Variants in MCTP1 observed in about 807,000 individuals in gnomAD.
MCTP1 encodes the protein multiple C2 and transmembrane domain-containing protein 1.
Under a neutral mutation model 120.6 loss-of-function variants are expected in MCTP1, and 69 were observed. The observed-to-expected ratio is 0.57, with a 90% CI of 0.47 to 0.70. The LOEUF is 0.70. Among genes scored for constraint, MCTP1 ranks in the 30% least tolerant of loss-of-function variants. The pLI is 0.00. For synonymous variants in MCTP1, 529 were observed against 493.1 expected (o/e 1.07, Z -0.96); for missense variants, 1,203 against 1,248.8 (o/e 0.96, Z 0.55).
chr5:95,204,311 A>G (rs1445669093), intron 1 of MCTP1, among the ~76,000 whole-genome samples: 1 of 152,180 alleles, frequency 6.6e-6, no homozygotes, highest in Non-Finnish European at 1.5e-5. Context: ...GACAAAGGGC[A>G]TTCTAGGCAG....
chr5:95,094,217 C>T (rs138363153), intron 1 of MCTP1, among the ~76,000 whole-genome samples: 132 of 152,296 alleles, frequency 8.7e-4, no homozygotes, highest in African/African-American at 3.1e-3. Flanking sequence ...CTTTCCTTTC[C>T]TACTGTCTTC....
In MCTP1 at chr5:95,243,487, G is replaced by C. The variant is rs1304978886; in HGVS notation, c.720+40369C>G. On this transcript the variant is annotated intron_variant, in intron 1 of 22. Coordinates refer to ENST00000515393, the MANE Select transcript of MCTP1 (RefSeq NM_024717.7). Reference sequence around the variant, plus strand: ...ATAGAGTCTGAGGAAGTAGTGTTGAGAAATAAGATAGGTAGGAGCCAGACC... The same window carrying C: ...ATAGAGTCTGAGGAAGTAGTGTTGACAAATAAGATAGGTAGGAGCCAGACC... Among the ~76,000 whole-genome samples the C allele has an allele frequency of 3.9e-5, 6 of 152,316 alleles. No individual in the cohort carries two copies. In the East Asian group the frequency reaches 7.7e-4, roughly 20 times the overall value.
At chr5:95,179,833 C>G (rs1163175700) in intron 1 of MCTP1, among the ~76,000 whole-genome samples, 1 of 152,120 alleles carries the variant, frequency 6.6e-6, no homozygotes, top group African/African-American at 2.4e-5. Context: ...GCTCACATCT[C>G]AATACAAATA....
intron 19 of MCTP1, among the ~76,000 whole-genome samples, chr5:94,762,044 C>T (rs548704950): frequency 3.3e-4 from 51 of 152,254 alleles, no homozygotes; most frequent in African/African-American, 1.0e-3. Flanking sequence ...TAGAACCATA[C>T]GAGAGATTCA....
intron 1 of MCTP1, among the ~76,000 whole-genome samples, chr5:95,194,718 C>T (rs749302428): frequency 6.6e-6 from 1 of 152,074 alleles, no homozygotes; most frequent in Non-Finnish European, 1.5e-5. Context: ...GTGTCTAGAC[C>T]TGAACGTTAC....
At chr5:94,954,633 C>T (rs7703557) in intron 2 of MCTP1, among the ~76,000 whole-genome samples, 56,655 of 151,946 alleles carry the variant, frequency 0.37, 10,763 homozygotes, top group Middle Eastern at 0.43. Context: ...ATCTGATCTT[C>T]CTCTTGATAT....
intron 19 of MCTP1, among the ~76,000 whole-genome samples, chr5:94,742,834 T>TA (rs1765830454): frequency 6.6e-6 from 1 of 152,302 alleles, no homozygotes; most frequent in Non-Finnish European, 1.5e-5. Flanking sequence ...ATTGTGTACC[T>TA]ACTTCAGGCA....
intron 17 of MCTP1, among the ~76,000 whole-genome samples, chr5:94,821,874 C>G (rs539131151): frequency 6.6e-6 from 1 of 152,296 alleles, no homozygotes; most frequent in African/African-American, 2.4e-5. Flanking sequence ...TGAACCCTTG[C>G]AGTTCAAACT....
At chr5:95,072,917 T>G (rs575935008) in intron 1 of MCTP1, among the ~76,000 whole-genome samples, 2 of 152,098 alleles carry the variant, frequency 1.3e-5, no homozygotes, top group African/African-American at 4.8e-5. Flanking sequence ...GGCTAATTTT[T>G]TGTATTTTTA....
chr5:95,161,479 G>C (rs2152476063), intron 1 of MCTP1, among the ~76,000 whole-genome samples: 1 of 152,118 alleles, frequency 6.6e-6, no homozygotes, highest in East Asian at 1.9e-4. Context: ...TTGATCAAAG[G>C]GTGCAAAGTT....
chr5:94,948,334 C>T (rs1819620261), intron 3 of MCTP1, among the ~76,000 whole-genome samples: 1 of 152,080 alleles, frequency 6.6e-6, no homozygotes, highest in African/African-American at 2.4e-5. Context: ...TGGTAGTAAC[C>T]ATTACTATGA....
intron 19 of MCTP1, among the ~76,000 whole-genome samples, chr5:94,722,557 C>G (rs1761155459): frequency 6.6e-6 from 1 of 152,118 alleles, no homozygotes; most frequent in African/African-American, 2.4e-5. Context: ...AAATCTTATG[C>G]TACGATAATG....
chr5:95,107,127 A>C (rs1202028676), intron 1 of MCTP1, among the ~76,000 whole-genome samples: 1 of 152,244 alleles, frequency 6.6e-6, no homozygotes, highest in African/African-American at 2.4e-5. Flanking sequence ...AGACAGCATG[A>C]AACTTGGGTA....
At chr5:95,238,961 TAC>T (rs1218283284) in intron 1 of MCTP1, among the ~76,000 whole-genome samples, 1 of 152,172 alleles carries the variant, frequency 6.6e-6, no homozygotes, top group African/African-American at 2.4e-5. Flanking sequence ...GATTTCAGTA[TAC>T]ATGTAGCTAT....
chr5:94,834,812 CTTTTTTTTTT>C (rs141103769), intron 17 of MCTP1, among the ~76,000 whole-genome samples: 1 of 88,630 alleles, frequency 1.1e-5, no homozygotes, highest in Non-Finnish European at 2.3e-5. Context: ...AACATTCTCT[CTTTTTTTTTT>C]TTTTTTTTTT....
intron 6 of MCTP1, among the ~76,000 whole-genome samples, chr5:94,930,523 C>T (rs1391827600): frequency 1.3e-5 from 2 of 151,988 alleles, no homozygotes; most frequent in Non-Finnish European, 2.9e-5. Flanking sequence ...ATCCACCCAC[C>T]TCGACCTCCC....
Position 94,773,794 on chromosome 5 carries a change from C to G in MCTP1, c.2610+5316G>C, listed in dbSNP as rs138149205. On this transcript the variant is annotated intron_variant, in intron 19 of 22. Transcript: ENST00000515393. ...TGAGACTTATTCACTATCATGAGAA[C>G]AGCACAGGAAAGATCCACTCCATGA... 9.9e-3 allele frequency among the ~76,000 whole-genome samples: 1,502 copies of G among 152,214 alleles called. 26 individuals carry two copies. The highest frequency in any genetic ancestry group is 0.034 in the African/African-American group (1,419 of 41,512).
chr5:95,129,809 T>C (rs1038494025), intron 1 of MCTP1, among the ~76,000 whole-genome samples: 6 of 152,140 alleles, frequency 3.9e-5, no homozygotes, highest in Non-Finnish European at 7.4e-5. Flanking sequence ...TACAGGCACC[T>C]GCCACCATGC....
intron 1 of MCTP1, among the ~76,000 whole-genome samples, chr5:95,123,763 C>T (rs1333476987): frequency 6.6e-6 from 1 of 151,954 alleles, no homozygotes; most frequent in Non-Finnish European, 1.5e-5. Flanking sequence ...CATTCTCCTG[C>T]CTCAGCCTCC....
Sources: allele counts gnomAD v4.1 joint callset (sites outside exome capture counted in the v4.1 genomes callset), GRCh38; gene constraint gnomAD v4.1.1; transcripts MANE v1.5; gene names NCBI Gene and HGNC (gene_info 2026-07-23, HGNC 2026-07-21).